Variants in CNGB3 observed in about 807,000 individuals in gnomAD.
CNGB3 encodes cyclic nucleotide-gated channel beta-3.
CNGB3 carries 86 observed loss-of-function variants against 92.8 expected under a neutral mutation model. The observed-to-expected ratio is 0.93, with a 90% confidence interval of 0.78 to 1.11. CNGB3 has a LOEUF of 1.11. Among genes scored for constraint, CNGB3 ranks in the 50% least tolerant of loss-of-function variants. CNGB3 has a pLI of 0.00. For synonymous variants in CNGB3, 333 were observed against 332.7 expected (o/e 1.00, Z -0.01); for missense variants, 1,026 against 956.8 (o/e 1.07, Z -0.95).
At chr8:86,673,917 G>T (rs1001215368) in intron 3 of CNGB3, among the ~76,000 whole-genome samples, 2 of 152,166 alleles carry the variant, frequency 1.3e-5, no homozygotes, top group Non-Finnish European at 2.9e-5. Flanking sequence ...GTTCATCAGT[G>T]ATTATGGAAT....
intron 12 of CNGB3, among the ~76,000 whole-genome samples, chr8:86,627,595 G>A (rs1822872979): frequency 6.6e-6 from 1 of 152,176 alleles, no homozygotes; most frequent in Non-Finnish European, 1.5e-5. Context: ...TATTTCATAT[G>A]GTAAGAACAA....
At chr8:86,594,569 T>C (rs1822127042) in intron 15 of CNGB3, 1 of 313,016 alleles carries the variant, frequency 3.2e-6, no homozygotes, top group African/African-American at 2.2e-5. Context: ...AGGGTCTGGG[T>C]CCACTGTCAC....
At chr8:86,712,323 C>G (rs530949094) in intron 3 of CNGB3, among the ~76,000 whole-genome samples, 2 of 151,874 alleles carry the variant, frequency 1.3e-5, no homozygotes, top group Non-Finnish European at 2.9e-5. Context: ...GTTTATTAAG[C>G]TTTTTTATTA....
chr8:86,689,107 T>A (rs116062874), intron 3 of CNGB3, among the ~76,000 whole-genome samples: 1,950 of 152,076 alleles, frequency 0.013, 44 homozygotes, highest in African/African-American at 0.044. Context: ...TTATTGATTG[T>A]CAGTTTTATT....
chr8:86,579,659 A>G (rs1821724325), intron 15 of CNGB3, among the ~76,000 whole-genome samples: 1 of 152,236 alleles, frequency 6.6e-6, no homozygotes, highest in African/African-American at 2.4e-5. Context: ...ACTTGGGCTC[A>G]GCCATTGGAA....
intron 3 of CNGB3, among the ~76,000 whole-genome samples, chr8:86,703,014 A>G (rs1824582585): frequency 6.6e-6 from 1 of 152,064 alleles, no homozygotes; most frequent in Admixed American, 6.5e-5. Flanking sequence ...CATCCATGAA[A>G]TCTATTTGGG....
chr8:86,736,073 A>G (rs924710281), intron 2 of CNGB3, among the ~76,000 whole-genome samples: 1 of 152,194 alleles, frequency 6.6e-6, no homozygotes, highest in Non-Finnish European at 1.5e-5. Flanking sequence ...TCTTTATTTG[A>G]ATCCAAAATA....
chr8:86,742,952 G>C (rs1825367684), intron 1 of CNGB3, among the ~76,000 whole-genome samples: 1 of 152,126 alleles, frequency 6.6e-6, no homozygotes, highest in African/African-American at 2.4e-5. Flanking sequence ...GTTGTGGAGG[G>C]CTGTCCTGTA....
At chr8:86,618,319 A>G (rs999453221) in intron 13 of CNGB3, among the ~76,000 whole-genome samples, 1 of 152,152 alleles carries the variant, frequency 6.6e-6, no homozygotes. Flanking sequence ...TGATCTAATC[A>G]ATTTTTCTAT....
intron 3 of CNGB3, among the ~76,000 whole-genome samples, chr8:86,710,387 C>A (rs553262526): frequency 6.6e-6 from 1 of 152,226 alleles, no homozygotes; most frequent in South Asian, 2.1e-4. Flanking sequence ...ACCCCCATCT[C>A]TACTCTTTTC....
intron 3 of CNGB3, among the ~76,000 whole-genome samples, chr8:86,724,543 T>A (rs968087850): frequency 4.6e-5 from 7 of 152,066 alleles, no homozygotes; most frequent in African/African-American, 1.7e-4. Flanking sequence ...GGGATACTAA[T>A]CATCAACAAA....
chr8:86,743,291 G>A (rs948563474), intron 1 of CNGB3, among the ~76,000 whole-genome samples: 5 of 152,162 alleles, frequency 3.3e-5, no homozygotes, highest in Admixed American at 2.6e-4. Context: ...CCAAATCCTA[G>A]TATAGTCTCC....
At chr8:86,709,871 T>C (rs1321885730) in intron 3 of CNGB3, among the ~76,000 whole-genome samples, 1 of 152,152 alleles carries the variant, frequency 6.6e-6, no homozygotes, top group Non-Finnish European at 1.5e-5. Flanking sequence ...AAAATATGTA[T>C]ATGTTTTCAC....
intron 3 of CNGB3, among the ~76,000 whole-genome samples, chr8:86,688,340 C>A (rs2131634085): frequency 6.6e-6 from 1 of 152,092 alleles, no homozygotes; most frequent in Admixed American, 6.5e-5. Flanking sequence ...TACCTGAAGA[C>A]AATCATCATT....
intron 3 of CNGB3, among the ~76,000 whole-genome samples, chr8:86,690,323 G>C (rs1824285397): frequency 6.6e-6 from 1 of 152,178 alleles, no homozygotes; most frequent in Non-Finnish European, 1.5e-5. Context: ...GTGATGATGA[G>C]CATTTTTTCA....
intron 3 of CNGB3, among the ~76,000 whole-genome samples, chr8:86,714,706 G>A (rs1223473475): frequency 6.6e-6 from 1 of 151,516 alleles, no homozygotes; most frequent in East Asian, 1.9e-4. Context: ...GAAAAACTGA[G>A]TCTGTTTGCT....
In CNGB3 at chr8:86,626,003, T is replaced by C; in HGVS notation, c.1558A>G (p.Ser520Gly). Residue 520 changes from serine (S) to glycine (G), a missense_variant, in exon 13 of 18, where the codon AGC becomes GGC. By Grantham distance (56) the Ser-to-Gly change is moderately conservative (BLOSUM62 0). Transcript: ENST00000320005. The stretch of plus-strand genomic sequence containing the variant: ...CTTGCCTTGAACAAGTCGACTTTGC[T>C]GATGATGCTGAAGTTCACATCAATG... ...LAIDVNFSII[S>G]KVDLFKGCDT... The C allele has an allele frequency of 6.2e-7, 1 of 1,613,792 alleles. No homozygotes were observed. The highest frequency in any genetic ancestry group is 8.5e-7 in the Non-Finnish European group (1 of 1,179,826).
chr8:86,583,375 A>G (rs1319049491), intron 15 of CNGB3, among the ~76,000 whole-genome samples: 1 of 152,228 alleles, frequency 6.6e-6, no homozygotes, highest in Non-Finnish European at 1.5e-5. Flanking sequence ...GCATAGTGTT[A>G]TATGATGGTA....
chr8:86,635,405 A>G (rs1474547511), intron 10 of CNGB3, among the ~76,000 whole-genome samples: 2 of 152,106 alleles, frequency 1.3e-5, no homozygotes, highest in Non-Finnish European at 1.5e-5. Flanking sequence ...ACAGGAACAA[A>G]CATAAGAATT....
Sources: allele counts gnomAD v4.1 joint callset (sites outside exome capture counted in the v4.1 genomes callset), GRCh38; gene constraint gnomAD v4.1.1; transcripts MANE v1.5; gene names NCBI Gene and HGNC (gene_info 2026-07-23, HGNC 2026-07-21).